Variants in AGMO observed in about 807,000 individuals in gnomAD.
The protein encoded by AGMO is glyceryl-ether monooxygenase.
In AGMO, 75 loss-of-function variants were observed where a neutral mutation model predicts 60.2. The ratio of observed to expected loss-of-function variants is 1.25; its 90% CI spans 1.03 to 1.51. AGMO has a LOEUF of 1.51. Among genes scored for constraint, AGMO ranks in the 40% most tolerant of loss-of-function variants. The pLI is 0.00. For missense variants in AGMO, 763 were observed against 525.5 expected, an observed-to-expected ratio of 1.45 and a Z score of -4.42; for synonymous variants, 261 against 177.1, an observed-to-expected ratio of 1.47 and a Z score of -3.76.
chr7:15,312,541 G>T (rs1780797362), intron 12 of AGMO, among the ~76,000 whole-genome samples: 1 of 151,382 alleles, frequency 6.6e-6, no homozygotes. Context: ...GCATGGCGGG[G>T]GCGGTGGGGG....
chr7:15,419,906 C>T (rs1180347725), intron 4 of AGMO, among the ~76,000 whole-genome samples: 1 of 151,972 alleles, frequency 6.6e-6, no homozygotes, highest in Non-Finnish European at 1.5e-5. Flanking sequence ...ATCTGTGATA[C>T]TATGATTTGA....
chr7:15,486,002 A>G (rs1449159182), intron 3 of AGMO, among the ~76,000 whole-genome samples: 1 of 152,160 alleles, frequency 6.6e-6, no homozygotes, highest in Non-Finnish European at 1.5e-5. Context: ...GGATTAAGAA[A>G]TGTTTGTCAT....
chr7:15,233,921 C>T (rs1687174677), intron 12 of AGMO, among the ~76,000 whole-genome samples: 1 of 152,074 alleles, frequency 6.6e-6, no homozygotes, highest in African/African-American at 2.4e-5. Context: ...GTGGTGCGCC[C>T]CTGTAATCCC....
chr7:15,186,449 T>C, the AGMO span, among the ~76,000 whole-genome samples: 1 of 152,172 alleles, frequency 6.6e-6, no homozygotes, highest in African/African-American at 2.4e-5. Flanking sequence ...TGCTTCCCTC[T>C]GGGTTAAGAG....
At chr7:15,129,239 G>T in the AGMO span, among the ~76,000 whole-genome samples, 3 of 142,208 alleles carry the variant, frequency 2.1e-5, no homozygotes, top group Non-Finnish European at 3.2e-5. Context: ...TTCCAGGGCT[G>T]GTTGCTACAG....
intron 3 of AGMO, among the ~76,000 whole-genome samples, chr7:15,452,190 T>G (rs1455544452): frequency 6.6e-6 from 1 of 152,078 alleles, no homozygotes; most frequent in African/African-American, 2.4e-5. Context: ...AATGGTCTCT[T>G]GGATATGATA....
chr7:15,421,660 G>A (rs1443308184), intron 4 of AGMO, among the ~76,000 whole-genome samples: 1 of 152,078 alleles, frequency 6.6e-6, no homozygotes, highest in Non-Finnish European at 1.5e-5. Context: ...CAAGAAGGTG[G>A]ACAGGAGGAA....
chr7:15,439,607 C>G (rs551287610), intron 3 of AGMO, among the ~76,000 whole-genome samples: 1 of 152,224 alleles, frequency 6.6e-6, no homozygotes, highest in Non-Finnish European at 1.5e-5. Flanking sequence ...CTTACAGTGC[C>G]CACTTATTTT....
rs773719119 is a variant in AGMO at position 15,499,332 on chromosome 7, A to G, written c.409+45440T>C. Among the ~76,000 whole-genome samples the G allele has an allele frequency of 1.8e-3, 268 of 152,038 alleles. 2 individuals are homozygous for G. Among genetic ancestry groups the G allele is most frequent in the Non-Finnish European group, 3.2e-3 (219 of 67,856 alleles). On this transcript the variant is annotated intron_variant, in intron 3 of 12. Transcript: ENST00000342526. ...TTTGTGTGCCTGAGTAGAACCAAAC[A>G]AAACTTTGAAGCAAACCCTCACCTC... is the stretch of plus-strand genomic sequence containing the variant.
the AGMO span, among the ~76,000 whole-genome samples, chr7:15,193,436 T>C: frequency 1.3e-5 from 2 of 152,190 alleles, no homozygotes; most frequent in Admixed American, 6.5e-5. Flanking sequence ...GCTTTTTAAA[T>C]TCTGTTCCTT....
chr7:15,532,543 G>C (rs915764612), intron 3 of AGMO, among the ~76,000 whole-genome samples: 12 of 152,136 alleles, frequency 7.9e-5, no homozygotes, highest in African/African-American at 2.9e-4. Flanking sequence ...CTAATTAATT[G>C]TTAATATTAT....
chr7:15,355,504 C>CCAAAAAA (rs1168628657), intron 12 of AGMO, among the ~76,000 whole-genome samples: 1 of 81,736 alleles, frequency 1.2e-5, no homozygotes, highest in African/African-American at 5.0e-5. Context: ...GACTCTGTCT[C>CCAAAAAA]AAAAAAAAAA....
At chr7:15,304,113 CTTAATTTTTTA>C (rs1780540603) in intron 12 of AGMO, among the ~76,000 whole-genome samples, 1 of 152,126 alleles carries the variant, frequency 6.6e-6, no homozygotes, top group Non-Finnish European at 1.5e-5. Context: ...ACGGCATCCT[CTTAATTTTTTA>C]TTCTATGAAA....
intron 6 of AGMO, among the ~76,000 whole-genome samples, chr7:15,391,145 G>C (rs1276015898): frequency 6.6e-6 from 1 of 151,884 alleles, no homozygotes; most frequent in South Asian, 2.1e-4. Flanking sequence ...ATGCTTTCTT[G>C]TCACAGTTTT....
At chr7:15,204,620 C>T (rs947144095) in intron 12 of AGMO, among the ~76,000 whole-genome samples, 9 of 152,120 alleles carry the variant, frequency 5.9e-5, no homozygotes, top group South Asian at 2.1e-4. Context: ...AGTGTCAAGC[C>T]GTCCTTGTGC....
At chr7:15,400,171 G>A (rs1030245010) in intron 5 of AGMO, among the ~76,000 whole-genome samples, 1 of 152,020 alleles carries the variant, frequency 6.6e-6, no homozygotes, top group Admixed American at 6.6e-5. Context: ...CTTACACATC[G>A]TGATTGTTTG....
At chr7:15,214,859 A>G (rs1250246074) in intron 12 of AGMO, among the ~76,000 whole-genome samples, 2 of 152,060 alleles carry the variant, frequency 1.3e-5, no homozygotes, top group Admixed American at 6.6e-5. Flanking sequence ...ACAGAAGAAT[A>G]TTTAGTTTGC....
chr7:15,229,991 T>G (rs1782210020), intron 12 of AGMO, among the ~76,000 whole-genome samples: 2 of 151,700 alleles, frequency 1.3e-5, no homozygotes, highest in African/African-American at 4.8e-5. Flanking sequence ...TTTAATTCAT[T>G]GAAACAAAAT....
chr7:15,545,707 T>C (rs1366402245), intron 2 of AGMO, among the ~76,000 whole-genome samples: 1 of 152,094 alleles, frequency 6.6e-6, no homozygotes, highest in East Asian at 1.9e-4. Flanking sequence ...CTTCCACAAA[T>C]TTTCAGTAAC....
Sources: gnomAD v4.1 joint callset for allele counts (sites outside exome capture counted in the v4.1 genomes callset) on GRCh38, gnomAD v4.1.1 for gene constraint, MANE v1.5 for transcripts, NCBI Gene and HGNC (gene_info 2026-07-23, HGNC 2026-07-21) for gene names.